The following FSHR variants were observed in gnomAD, a reference collection of about 807,000 sequenced individuals.
FSHR encodes the protein follicle stimulating hormone receptor.
FSHR carries 46 observed loss-of-function variants against 52.1 expected under a neutral mutation model. The observed-to-expected ratio is 0.88, with a 90% confidence interval of 0.70 to 1.13. The LOEUF (loss-of-function observed/expected upper bound fraction) is 1.13. FSHR is among the 50% of genes most tolerant of loss of function. The pLI, the probability that FSHR is intolerant of heterozygous loss-of-function variation, is 0.00. For missense variants in FSHR, 964 were observed against 834.6 expected, an observed-to-expected ratio of 1.16 and a Z score of -1.91; for synonymous variants, 399 against 309.6, an observed-to-expected ratio of 1.29 and a Z score of -3.03.
At chr2:48,979,711 A>T (rs529312203) in intron 8 of FSHR, among the ~76,000 whole-genome samples, 3 of 152,202 alleles carry the variant, frequency 2.0e-5, no homozygotes, top group Admixed American at 2.0e-4. Context: ...TTTGTTGCAA[A>T]TGCATTACCC....
intron 1 of FSHR, among the ~76,000 whole-genome samples, chr2:49,086,216 C>T (rs956305169): frequency 6.6e-6 from 1 of 152,130 alleles, no homozygotes; most frequent in African/African-American, 2.4e-5. Flanking sequence ...CCAAGATATG[C>T]TTTTATTTCA....
chr2:49,085,017 C>T (rs1670321029), intron 1 of FSHR, among the ~76,000 whole-genome samples: 1 of 152,020 alleles, frequency 6.6e-6, no homozygotes, highest in Non-Finnish European at 1.5e-5. Flanking sequence ...CATCCTGATA[C>T]CAAAGCCTGG....
intron 3 of FSHR, among the ~76,000 whole-genome samples, chr2:49,019,878 G>T (rs1667627168): frequency 6.6e-6 from 1 of 152,176 alleles, no homozygotes. Flanking sequence ...TGACAGGCAG[G>T]CAACAGGATG....
At chr2:49,086,669 C>T (rs957804518) in intron 1 of FSHR, among the ~76,000 whole-genome samples, 2 of 152,154 alleles carry the variant, frequency 1.3e-5, no homozygotes, top group African/African-American at 4.8e-5. Context: ...GAGATGAAGT[C>T]TTGCTCTTTT....
intron 2 of FSHR, among the ~76,000 whole-genome samples, chr2:49,037,229 T>C (rs1668299660): frequency 6.6e-6 from 1 of 152,218 alleles, no homozygotes; most frequent in African/African-American, 2.4e-5. Flanking sequence ...CACATGATTA[T>C]GTTGGGTGAG....
chr2:49,106,986 G>A (rs897920922), intron 1 of FSHR, among the ~76,000 whole-genome samples: 3 of 152,106 alleles, frequency 2.0e-5, no homozygotes, highest in African/African-American at 7.2e-5. Context: ...AAGTTGGAAA[G>A]CATTATTGTA....
At chr2:49,097,506 C>T (rs995517812) in intron 1 of FSHR, among the ~76,000 whole-genome samples, 6 of 152,108 alleles carry the variant, frequency 3.9e-5, no homozygotes, top group African/African-American at 1.4e-4. Context: ...GAGAGGAGAA[C>T]ATAATTTATC....
At chr2:49,132,165 T>C (rs1384948497) in intron 1 of FSHR, among the ~76,000 whole-genome samples, 1 of 152,216 alleles carries the variant, frequency 6.6e-6, no homozygotes, top group Non-Finnish European at 1.5e-5. Flanking sequence ...TTACATGTTC[T>C]GGATGATGTA....
intron 1 of FSHR, among the ~76,000 whole-genome samples, chr2:49,072,497 G>T (rs1669774381): frequency 1.3e-5 from 2 of 152,094 alleles, no homozygotes; most frequent in Admixed American, 1.3e-4. Flanking sequence ...AAATAGAATT[G>T]TGGAAACAGA....
At chr2:48,978,191 A>G (rs1275476514) in intron 8 of FSHR, among the ~76,000 whole-genome samples, 1 of 152,184 alleles carries the variant, frequency 6.6e-6, no homozygotes. Context: ...GGCAGGAGTT[A>G]AAAAGCACTC....
chr2:49,087,077 T>TTTTTG (rs1670426499), intron 1 of FSHR, among the ~76,000 whole-genome samples: 1 of 143,864 alleles, frequency 7.0e-6, no homozygotes, highest in Non-Finnish European at 1.5e-5. Context: ...AGGGTTTTTT[T>TTTTTG]TTTTTTTTTT....
chr2:49,003,441 C>T (rs980744293), intron 4 of FSHR, among the ~76,000 whole-genome samples: 1 of 152,120 alleles, frequency 6.6e-6, no homozygotes, highest in South Asian at 2.1e-4. Context: ...ACTTGTGAGT[C>T]CCTGGATGCA....
At chr2:48,987,509 T>C (rs7565474) in intron 6 of FSHR, among the ~76,000 whole-genome samples, 121,968 of 152,094 alleles carry the variant, frequency 0.8, 49,346 homozygotes, top group African/African-American at 0.91. Flanking sequence ...CACGCCCACC[T>C]GATTATTTTT....
At chr2:49,095,384 T>C (rs1351764697) in intron 1 of FSHR, among the ~76,000 whole-genome samples, 1 of 152,140 alleles carries the variant, frequency 6.6e-6, no homozygotes, top group African/African-American at 2.4e-5. Flanking sequence ...GAAAGAATAG[T>C]CTTTTGAATA....
intron 3 of FSHR, among the ~76,000 whole-genome samples, chr2:49,019,665 C>T (rs1275940828): frequency 1.3e-5 from 2 of 152,192 alleles, no homozygotes; most frequent in Non-Finnish European, 2.9e-5. Context: ...AACTGAGTCT[C>T]AGATAGTTAT....
intron 2 of FSHR, among the ~76,000 whole-genome samples, chr2:49,025,422 G>T (rs1667884179): frequency 6.6e-6 from 1 of 151,910 alleles, no homozygotes; most frequent in Non-Finnish European, 1.5e-5. Context: ...TAAACTTTTG[G>T]TATATTGCTT....
At chr2:49,032,371 A>T (rs892350074) in intron 2 of FSHR, among the ~76,000 whole-genome samples, 1 of 152,178 alleles carries the variant, frequency 6.6e-6, no homozygotes, top group African/African-American at 2.4e-5. Context: ...CACACTTGGC[A>T]GGCTCTCAAT....
intron 1 of FSHR, among the ~76,000 whole-genome samples, chr2:49,127,793 C>G (rs534992031): frequency 1.3e-4 from 7 of 54,672 alleles, no homozygotes; most frequent in Non-Finnish European, 1.7e-4. Flanking sequence ...TCTTCTTCTT[C>G]TTCTTCTTCT....
At chr2:49,152,263 T>A (rs537311626) in intron 1 of FSHR, among the ~76,000 whole-genome samples, 52 of 152,246 alleles carry the variant, frequency 3.4e-4, no homozygotes, top group Middle Eastern at 3.4e-3. Flanking sequence ...ATGTGAAATT[T>A]GTTTCTGGTG....
Sources: gnomAD v4.1 joint callset for allele counts (sites outside exome capture counted in the v4.1 genomes callset) on GRCh38, gnomAD v4.1.1 for gene constraint, MANE v1.5 for transcripts, NCBI Gene and HGNC (gene_info 2026-07-23, HGNC 2026-07-21) for gene names.